The following C3orf38 variants were observed in gnomAD, a reference collection of about 807,000 sequenced individuals.
The protein encoded by C3orf38 is uncharacterized protein C3orf38.
Under a neutral mutation model 28.3 loss-of-function variants are expected in C3orf38, and 18 were observed. The observed-to-expected ratio is 0.64, with a 90% CI of 0.44 to 0.94. The LOEUF is 0.94. C3orf38 is among the 40% of genes least tolerant of loss of function. The pLI, the probability that C3orf38 is intolerant of heterozygous loss-of-function variation, is 0.00. For missense variants in C3orf38, 364 were observed against 396.4 expected (o/e 0.92, Z 0.69); for synonymous variants, 145 against 138.1 (o/e 1.05, Z -0.35).
chr3:88,154,449 A>G (rs561594983), intron 2 of C3orf38, among the ~76,000 whole-genome samples: 3 of 151,172 alleles, frequency 2.0e-5, no homozygotes, highest in East Asian at 1.9e-4. Context: ...TCTGTTCTTT[A>G]TATTATCTCC....
At chr3:88,154,922 T>C (rs1236240726) in intron 2 of C3orf38, among the ~76,000 whole-genome samples, 2 of 151,896 alleles carry the variant, frequency 1.3e-5, no homozygotes, top group South Asian at 4.2e-4. Context: ...ACAGTTGGCA[T>C]GATCTCAGCT....
Position 88,156,539 on chromosome 3 carries a change from A to G in C3orf38, c.894A>G (p.Leu298=). 6.2e-7 allele frequency: 1 copy of G among 1,614,130 alleles called. No homozygotes were observed. Among genetic ancestry groups the G allele is most frequent in the Non-Finnish European group, 8.5e-7 (1 of 1,179,976 alleles). Residue 298 remains leucine (L), a synonymous_variant, in exon 3 of 3, where the codon CTA becomes CTG. Transcript: ENST00000318887. ...KPSVKFEQSD[L]EAFYNVITVC... ...CTGTTAAATTTGAACAAAGTGATCT[A>G]GAGGCCTTTTATAATGTAATCACTG...
Position 88,156,618 on chromosome 3 carries a change from A to C in C3orf38, c.973A>C (p.Thr325Pro). The part of the protein sequence containing the change: ...HNVKQASDSG[T>P]GDQV ...TGTAAAGCAGGCTTCGGATAGTGGA[A>C]CTGGGGACCAAGTTTGAGGTAGTGG... The change falls in exon 3 of 3, where the codon ACT (threonine) becomes CCT (proline). Residue 325 changes from threonine to proline, a missense_variant. Physicochemically the swap from Thr to Pro is conservative, Grantham distance 38. Coordinates refer to ENST00000318887, the MANE Select transcript of C3orf38 (RefSeq NM_173824.4). The C allele has an allele frequency of 6.2e-7, 1 of 1,610,106 alleles. No individual in the cohort carries two copies.
At chr3:88,153,680 G>A (rs1281640059) in intron 2 of C3orf38, among the ~76,000 whole-genome samples, 1 of 151,842 alleles carries the variant, frequency 6.6e-6, no homozygotes, top group Non-Finnish European at 1.5e-5. Flanking sequence ...CAAGTGTTCT[G>A]CCCACCTCTG....
In C3orf38 at chr3:88,157,326, TG is replaced by T. The variant is rs1707493065; in HGVS notation, c.*694del. 1 of 152,242 alleles carries T rather than the reference TG, an allele frequency of 6.6e-6. No homozygotes were observed. The highest frequency in any genetic ancestry group is 2.1e-4 in the South Asian group (1 of 4,836). 9.4% of individuals were successfully genotyped at this position (152,242 alleles called of 1,614,324 possible). On this transcript the variant is annotated 3_prime_UTR_variant, in exon 3 of 3. Transcript: ENST00000318887. Reference sequence around the variant, plus strand: ...TCTGCAACATTTTCCTTACTGTTTTTGGGCAGTGATAAATGCTGTTCTCGAA... The same window carrying T: ...TCTGCAACATTTTCCTTACTGTTTTTGGCAGTGATAAATGCTGTTCTCGAA...
In C3orf38 at chr3:88,156,169, A is replaced by G; in HGVS notation, c.524A>G (p.Asp175Gly). ...DEWGPQHFWH[D>G]VKLRFYYNTS... ...TGGGGACCACAGCACTTCTGGCATG[A>G]TGTGAAGCTTAGGTTTTATTACAAC... The change falls in exon 3 of 3, where the codon GAT (aspartate) becomes GGT (glycine). Residue 175 changes from aspartate (D) to glycine (G), a missense_variant. Transcript: ENST00000318887. 1 of 1,613,928 alleles carries G rather than the reference A, an allele frequency of 6.2e-7. No homozygotes were observed. Among genetic ancestry groups the G allele is most frequent in the Admixed American group, 1.7e-5 (1 of 60,006 alleles).
In C3orf38 at chr3:88,157,297, G is replaced by A. The variant is rs970063403; in HGVS notation, c.*662G>A. 6.6e-6 allele frequency: 1 copy of A among 152,170 alleles called. No individual in the cohort carries two copies. Among genetic ancestry groups the A allele is most frequent in the African/African-American group, 2.4e-5 (1 of 41,438 alleles). The allele number at this position is 152,170 out of a possible 1,614,324, so 9.4% of individuals were successfully genotyped here. ...CTGTAGTCCAAGCTAAATATCTTTTGTAATCTGCAACATTTTCCTTACTGT... is the reference window on the plus strand; with the variant it reads ...CTGTAGTCCAAGCTAAATATCTTTTATAATCTGCAACATTTTCCTTACTGT... On this transcript the variant is annotated 3_prime_UTR_variant, in exon 3 of 3. Transcript: ENST00000318887.
rs1252809923 is a variant in C3orf38, at chr3:88,157,132, G to C, written c.*497G>C. On this transcript the variant is annotated 3_prime_UTR_variant, in exon 3 of 3. Coordinates refer to ENST00000318887, the MANE Select transcript of C3orf38 (RefSeq NM_173824.4). ...TTTTAAAACTATTAAATATTTTAGAGATGTTTAACGTAAACTCAAAGTTCT... is the reference window on the plus strand; with the variant it reads ...TTTTAAAACTATTAAATATTTTAGACATGTTTAACGTAAACTCAAAGTTCT... The C allele has an allele frequency of 6.6e-6, 1 of 152,206 alleles. No individual in the cohort carries two copies. Among genetic ancestry groups the C allele is most frequent in the Non-Finnish European group, 1.5e-5 (1 of 68,066 alleles). 9.4% of individuals were successfully genotyped at this position (152,206 alleles called of 1,614,324 possible).
In C3orf38 at chr3:88,153,254, A is replaced by G; in HGVS notation, c.158A>G (p.Tyr53Cys). 1 of 1,613,234 alleles carries G rather than the reference A, an allele frequency of 6.2e-7. No individual in the cohort carries two copies. The highest frequency in any genetic ancestry group is 1.1e-5 in the South Asian group (1 of 91,068). The change falls in exon 2 of 3, where the codon TAC becomes TGC. Residue 53 changes from tyrosine to cysteine, a missense_variant. Coordinates refer to ENST00000318887, the MANE Select transcript of C3orf38 (RefSeq NM_173824.4). Reference sequence around the variant, plus strand: ...GATGCTGTTCATGCAATATTAGCATACAGTCAAAGTGCAGAAGAACTTCTG... The same window carrying G: ...GATGCTGTTCATGCAATATTAGCATGCAGTCAAAGTGCAGAAGAACTTCTG... ...RQDAVHAILA[Y>C]SQSAEELLRR...
chr3:88,153,145 A>T, intron 1 of C3orf38, 85 bp from the exon 2 acceptor site: 1 of 1,267,760 alleles, frequency 7.9e-7, no homozygotes, highest in Non-Finnish European at 1.1e-6. Flanking sequence ...GAGTTTATAA[A>T]CATATTTGAT....
intron 1 of C3orf38, among the ~76,000 whole-genome samples, chr3:88,152,598 T>A (rs1707429717): frequency 6.6e-6 from 1 of 151,674 alleles, no homozygotes; most frequent in African/African-American, 2.4e-5. Context: ...CTGTCTGTAC[T>A]AAAAAAATTA....
In C3orf38 at chr3:88,156,815, C is replaced by G; in HGVS notation, c.*180C>G. ...GACATATTTTAGTTGAAATACCTTT[C>G]TGGACTACAGACTTACATATCATGT... On this transcript the variant is annotated 3_prime_UTR_variant, in exon 3 of 3. Coordinates refer to ENST00000318887, the MANE Select transcript of C3orf38 (RefSeq NM_173824.4). 1.6e-6 allele frequency: 1 copy of G among 639,224 alleles called. No individual in the cohort carries two copies. The highest frequency in any genetic ancestry group is 2.3e-5 in the South Asian group (1 of 43,814). The allele number at this position is 639,224 out of a possible 1,614,324, so 39.6% of individuals were successfully genotyped here.
chr3:88,156,080 C>A lies in C3orf38; in HGVS notation c.435C>A (p.Phe145Leu). The A allele has an allele frequency of 6.3e-7, 1 of 1,575,982 alleles. No homozygotes were observed. Among genetic ancestry groups the A allele is most frequent in the Non-Finnish European group, 8.6e-7 (1 of 1,163,824 alleles). ...ATTTTCGTCGCCTAGGAGAAGAATTCTGTCATTGGTTCTTTGGACTTCTTA... is the reference window on the plus strand; with the variant it reads ...ATTTTCGTCGCCTAGGAGAAGAATTATGTCATTGGTTCTTTGGACTTCTTA... ...KVDFRRLGEE[F>L]CHWFFGLLNS... The change falls in exon 3 of 3, where the codon TTC becomes TTA. Residue 145 changes from phenylalanine to leucine, a missense_variant. Transcript: ENST00000318887.
At chr3:88,152,754 C>CAAA (rs5850832) in intron 1 of C3orf38, among the ~76,000 whole-genome samples, 1 of 100,986 alleles carries the variant, frequency 9.9e-6, no homozygotes, top group Non-Finnish European at 2.0e-5. Context: ...GACTCCGTCT[C>CAAA]AAAAAAAAAA....
In C3orf38 at chr3:88,156,189, T is replaced by C; in HGVS notation, c.544T>C (p.Tyr182His). 1 of 1,613,904 alleles carries C rather than the reference T, an allele frequency of 6.2e-7. No individual in the cohort carries two copies. Among genetic ancestry groups the C allele is most frequent in the East Asian group, 2.2e-5 (1 of 44,888 alleles). The change falls in exon 3 of 3, where the codon TAC becomes CAC. Residue 182 changes from tyrosine (Y) to histidine (H), a missense_variant. Tyr to His is a moderately conservative substitution (Grantham distance 83, BLOSUM62 2). Coordinates refer to ENST00000318887, the MANE Select transcript of C3orf38 (RefSeq NM_173824.4). ...GCATGATGTGAAGCTTAGGTTTTAT[T>C]ACAACACATCAGAACAAAATGTTAT... is the stretch of plus-strand genomic sequence containing the variant. ...FWHDVKLRFY[Y>H]NTSEQNVMDY...
intron 1 of C3orf38, among the ~76,000 whole-genome samples, chr3:88,152,868 G>C (rs1229695096): frequency 6.6e-6 from 1 of 151,984 alleles, no homozygotes; most frequent in Non-Finnish European, 1.5e-5. Context: ...AAATATTGTT[G>C]TAATTGTCCC....
At chr3:88,154,319 T>G (rs1707452799) in intron 2 of C3orf38, among the ~76,000 whole-genome samples, 1 of 152,078 alleles carries the variant, frequency 6.6e-6, no homozygotes, top group Admixed American at 6.6e-5. Flanking sequence ...CCAGCATGCG[T>G]TAGCTATTTT....
In C3orf38 at chr3:88,153,217, A is replaced by G. The variant is rs1487463334; in HGVS notation, c.134-13A>G. 3.8e-6 allele frequency: 6 copies of G among 1,596,768 alleles called. No individual in the cohort carries two copies. Among genetic ancestry groups the G allele is most frequent in the Non-Finnish European group, 4.3e-6 (5 of 1,173,572 alleles). The stretch of plus-strand genomic sequence containing the variant: ...CTCATGATTTTTTATTAATCTTTGC[A>G]ATTTCTTTCTAGATGCTGTTCATGC... On this transcript the variant is annotated splice_polypyrimidine_tract_variant and intron_variant, in intron 1 of 2. Transcript: ENST00000318887.
At chr3:88,150,902 G>A (rs1190873875) in intron 1 of C3orf38, 1 of 152,116 alleles carries the variant, frequency 6.6e-6, no homozygotes, top group African/African-American at 2.4e-5. Flanking sequence ...ATAAAACTGG[G>A]TTTTTCTGCT....
Sources: gnomAD v4.1 joint callset for allele counts (sites outside exome capture counted in the v4.1 genomes callset) on GRCh38, gnomAD v4.1.1 for gene constraint, MANE v1.5 for transcripts, NCBI Gene and HGNC (gene_info 2026-07-23, HGNC 2026-07-21) for gene names.